Variants in IGFBP6 observed in about 807,000 individuals in gnomAD.
The protein encoded by IGFBP6 is insulin-like growth factor-binding protein 6.
Under a neutral mutation model 24.5 loss-of-function variants are expected in IGFBP6, and 24 were observed. The ratio of observed to expected loss-of-function variants is 0.98; its 90% CI spans 0.71 to 1.38. The LOEUF (loss-of-function observed/expected upper bound fraction) is 1.38, where lower values mean the gene tolerates loss of function less well. Among genes scored for constraint, IGFBP6 ranks in the 40% most tolerant of loss-of-function variants. The pLI is 0.00. For missense variants in IGFBP6, 331 were observed against 324.8 expected (o/e 1.02, Z -0.15); for synonymous variants, 147 against 137.4 (o/e 1.07, Z -0.49).
At chr12:53,099,241 T>C (rs944410432) in intron 1 of IGFBP6, 15 of 447,012 alleles carry the variant, frequency 3.4e-5, no homozygotes, top group Middle Eastern at 6.5e-4. Flanking sequence ...TTCCTGTCCC[T>C]GACTTATTTC....
At position 53,101,097 on chromosome 12, in the gene IGFBP6, C is replaced by T. The variant is rs746994788; in HGVS notation, c.537C>T (p.Tyr179=). The part of the protein sequence containing the change: ...SVLQQLQTEV[Y]RGAQTLYVPN... ...TGCAGCAACTCCAGACTGAGGTCTA[C>T]CGAGGGGCTCAAACACTCTACGTGC... Residue 179 remains tyrosine (Y), a synonymous_variant, in exon 3 of 4, where the codon TAC becomes TAT. Coordinates refer to ENST00000301464, the MANE Select transcript of IGFBP6 (RefSeq NM_002178.3). The T allele has an allele frequency of 6.8e-6, 11 of 1,614,084 alleles. No homozygotes were observed. The highest frequency in any genetic ancestry group is 9.3e-6 in the Non-Finnish European group (11 of 1,180,046).
Position 53,098,067 on chromosome 12 carries a change from G to A in IGFBP6, c.334+16G>A, listed in dbSNP as rs1937772300. ...GCGCCTGCTGGTGAGTCCGCGCCCC[G>A]CCCCTGCCCCGCCCACGTGAGACCC... On this transcript the variant is annotated intron_variant, in intron 1 of 3. Transcript: ENST00000301464. The A allele has an allele frequency of 2.1e-6, 3 of 1,410,684 alleles. No homozygotes were observed. The highest frequency in any genetic ancestry group is 2.7e-6 in the Non-Finnish European group (3 of 1,092,708). The allele number at this position is 1,410,684 out of a possible 1,614,324, so 87.4% of individuals were successfully genotyped here.
At position 53,097,813 on chromosome 12, in the gene IGFBP6, C is replaced by G. The variant is rs1407096568; in HGVS notation, c.96C>G (p.Cys32Trp). The G allele has an allele frequency of 6.5e-7, 1 of 1,541,378 alleles. No individual in the cohort carries two copies. Among genetic ancestry groups the G allele is most frequent in the South Asian group, 1.2e-5 (1 of 83,700 alleles). The change falls in exon 1 of 4, where the codon TGC (cysteine) becomes TGG (tryptophan). Residue 32 changes from cysteine (C) to tryptophan (W), a missense_variant. Coordinates refer to ENST00000301464, the MANE Select transcript of IGFBP6 (RefSeq NM_002178.3). Reference protein sequence around the residue: ...PGGALARCPGCGQGVQAGCPG... With the variant: ...PGGALARCPGWGQGVQAGCPG... ...GCGCCTTGGCGCGGTGCCCAGGCTG[C>G]GGGCAAGGGGTGCAGGCGGGTTGTC...
Position 53,098,043 on chromosome 12 carries a change from C to T in IGFBP6, c.326C>T (p.Ala109Val). 3.4e-6 allele frequency: 5 copies of T among 1,459,376 alleles called. No homozygotes were observed. The highest frequency in any genetic ancestry group is 4.5e-6 in the Non-Finnish European group (5 of 1,116,434). The allele number at this position is 1,459,376 out of a possible 1,614,324, so 90.4% of individuals were successfully genotyped here. The change falls in exon 1 of 4, where the codon GCG becomes GTG. Residue 109 changes from alanine to valine, a missense_variant. By Grantham distance (64) the Ala-to-Val change is moderately conservative. Coordinates refer to ENST00000301464, the MANE Select transcript of IGFBP6 (RefSeq NM_002178.3). Reference protein sequence around the residue: ...LGRGRCLPARAPAVAEENPKE... With the variant: ...LGRGRCLPARVPAVAEENPKE... ...CGAGGCCGCTGCCTTCCGGCCCGCGCGCCTGCTGGTGAGTCCGCGCCCCGC... is the reference window on the plus strand; with the variant it reads ...CGAGGCCGCTGCCTTCCGGCCCGCGTGCCTGCTGGTGAGTCCGCGCCCCGC...
chr12:53,098,715 T>C (rs9658605), intron 1 of IGFBP6, among the ~76,000 whole-genome samples: 21,244 of 151,988 alleles, frequency 0.14, 2,234 homozygotes, highest in African/African-American at 0.3. Context: ...CTCAGAATCG[T>C]TCACCCATCC....
chr12:53,100,449 A>G (rs947074606), intron 1 of IGFBP6, among the ~76,000 whole-genome samples: 3 of 152,266 alleles, frequency 2.0e-5, no homozygotes, highest in Non-Finnish European at 4.4e-5. Context: ...GGCGTGAGCC[A>G]TTGCACCCAT....
At chr12:53,098,198 G>T (rs1937774531) in intron 1 of IGFBP6, 147 bp downstream of exon 1, 3 of 1,005,856 alleles carry the variant, frequency 3.0e-6, no homozygotes, top group Middle Eastern at 6.7e-4. Flanking sequence ...TTGTGTGGGG[G>T]AGAAGGGGCA....
chr12:53,098,185 C>T, intron 1 of IGFBP6, 134 bp downstream of exon 1: 1 of 1,099,916 alleles, frequency 9.1e-7, no homozygotes, highest in East Asian at 3.2e-5. Flanking sequence ...TTGGGGGGCA[C>T]ATTTGTGTGG....
chr12:53,097,911 G>T lies in IGFBP6; in HGVS notation c.194G>T (p.Arg65Met). 1 of 1,516,590 alleles carries T rather than the reference G, an allele frequency of 6.6e-7. No homozygotes were observed. 93.9% of individuals were successfully genotyped at this position (1,516,590 alleles called of 1,614,324 possible). A position where few individuals can be genotyped will look rare whatever the true frequency, so the allele number is the denominator to read the frequency against. The change falls in exon 1 of 4, where the codon AGG (arginine) becomes ATG (methionine). Residue 65 changes from arginine (R) to methionine (M), a missense_variant. By Grantham distance (91) the Arg-to-Met change is moderately conservative. Coordinates refer to ENST00000301464, the MANE Select transcript of IGFBP6 (RefSeq NM_002178.3). ...EGCAEAEGCL[R>M]REGQECGVYT... ...TGCGCGGAAGCTGAGGGCTGTCTCA[G>T]GAGGGAGGGGCAGGAGTGCGGGGTC...
At chr12:53,100,057 A>G (rs1026268036) in intron 1 of IGFBP6, among the ~76,000 whole-genome samples, 1 of 152,066 alleles carries the variant, frequency 6.6e-6, no homozygotes, top group African/African-American at 2.4e-5. Flanking sequence ...ACGGGGTTTC[A>G]CCATGTTGGC....
At chr12:53,099,807 A>AT (rs1210408523) in intron 1 of IGFBP6, among the ~76,000 whole-genome samples, 2 of 151,294 alleles carry the variant, frequency 1.3e-5, no homozygotes, top group East Asian at 1.9e-4. Flanking sequence ...TAATTAATTA[A>AT]TTTTTTAAAA....
intron 1 of IGFBP6, 109 bp from the exon 2 acceptor site, chr12:53,100,603 C>T (rs1311554918): frequency 1.2e-5 from 12 of 980,306 alleles, no homozygotes; most frequent in Admixed American, 1.0e-4. Flanking sequence ...CATGCAACAG[C>T]GGGGCATAAG....
intron 3 of IGFBP6, among the ~76,000 whole-genome samples, chr12:53,101,834 G>C (rs1937832307): frequency 6.7e-6 from 1 of 149,296 alleles, no homozygotes; most frequent in South Asian, 2.1e-4. Flanking sequence ...GGGAGGTGGA[G>C]GTTGCAGTGA....
Position 53,101,166 on chromosome 12 carries a change from A to G in IGFBP6, c.600+6A>G, listed in dbSNP as rs745369133. ...GCTTCTACCGGAAGCGGCAGGTGAG[A>G]CTATTTTTCTTCTCCTCCTGCTCCA... On this transcript the variant is annotated splice_donor_region_variant and intron_variant, in intron 3 of 3. Transcript: ENST00000301464. 2 of 1,612,842 alleles carry G rather than the reference A, an allele frequency of 1.2e-6. No homozygotes were observed. The highest frequency in any genetic ancestry group is 1.3e-5 in the African/African-American group (1 of 75,020).
At position 53,097,839 on chromosome 12, in the gene IGFBP6, C is replaced by T. The variant is rs1937763704; in HGVS notation, c.122C>T (p.Pro41Leu). The T allele has an allele frequency of 6.5e-7, 1 of 1,532,438 alleles. No individual in the cohort carries two copies. The highest frequency in any genetic ancestry group is 8.8e-7 in the Non-Finnish European group (1 of 1,141,970). The allele number at this position is 1,532,438 out of a possible 1,614,324, so 94.9% of individuals were successfully genotyped here. A position where few individuals can be genotyped will look rare whatever the true frequency, so the allele number is the denominator to read the frequency against. ...GGGCAAGGGGTGCAGGCGGGTTGTC[C>T]AGGGGGCTGCGTGGAGGAGGAGGAT... ...GCGQGVQAGC[P>L]GGCVEEEDGG... is the part of the protein sequence containing the mutation. Residue 41 changes from proline to leucine, a missense_variant, in exon 1 of 4, where the codon CCA (proline) becomes CTA (leucine). Physicochemically the swap from Pro to Leu is moderately conservative, Grantham distance 98. Transcript: ENST00000301464.
At position 53,101,800 on chromosome 12, in the gene IGFBP6, G is replaced by A. The variant is rs1937831730; in HGVS notation, c.601-245G>A. ...TGTAATCCCAGCTACTCAGGAGGCT[G>A]AGGCAAGAGAATTGCTTGAACCTGG... On this transcript the variant is annotated intron_variant, in intron 3 of 3. Transcript: ENST00000301464. 2.7e-5 allele frequency among the ~76,000 whole-genome samples: 4 copies of A among 149,460 alleles called. No individual in the cohort carries two copies. The South Asian group carries it at 8.5e-4, about 32-fold the overall frequency.
intron 3 of IGFBP6, 83 bp downstream of exon 3, chr12:53,101,243 A>G: frequency 2.1e-6 from 3 of 1,397,794 alleles, no homozygotes; most frequent in Non-Finnish European, 3.0e-6. Flanking sequence ...AAAGCTGCAT[A>G]AATAAGACAC....
Position 53,101,125 on chromosome 12 carries a change from A to C in IGFBP6, c.565A>C (p.Asn189His). 1 of 1,614,174 alleles carries C rather than the reference A, an allele frequency of 6.2e-7. No homozygotes were observed. The highest frequency in any genetic ancestry group is 1.1e-5 in the South Asian group (1 of 91,086). ...AGGGGCTCAAACACTCTACGTGCCC[A>C]ATTGTGACCATCGAGGCTTCTACCG... is the stretch of plus-strand genomic sequence containing the variant. ...YRGAQTLYVP[N>H]CDHRGFYRKR... Residue 189 changes from asparagine to histidine, a missense_variant, in exon 3 of 4, where the codon AAT becomes CAT. Asn to His is a moderately conservative substitution (Grantham distance 68). Coordinates refer to ENST00000301464, the MANE Select transcript of IGFBP6 (RefSeq NM_002178.3).
In IGFBP6 at chr12:53,102,064, A is replaced by T. The variant is rs1937840288; in HGVS notation, c.620A>T (p.Gln207Leu). 1.2e-6 allele frequency: 2 copies of T among 1,613,840 alleles called. No individual in the cohort carries two copies. The highest frequency in any genetic ancestry group is 1.7e-6 in the Non-Finnish European group (2 of 1,179,998). Reference protein sequence around the residue: ...RKRQCRSSQGQRRGPCWCVDR... With the variant: ...RKRQCRSSQGLRRGPCWCVDR... Reference sequence around the variant, plus strand: ...CTCCAGTGCCGCTCCTCCCAGGGGCAGCGCCGAGGTCCCTGCTGGTGTGTG... The same window carrying T: ...CTCCAGTGCCGCTCCTCCCAGGGGCTGCGCCGAGGTCCCTGCTGGTGTGTG... Residue 207 changes from glutamine (Q) to leucine (L), a missense_variant, in exon 4 of 4, where the codon CAG becomes CTG. Transcript: ENST00000301464.
Sources: gnomAD v4.1 joint callset for allele counts (sites outside exome capture counted in the v4.1 genomes callset) on GRCh38, gnomAD v4.1.1 for gene constraint, MANE v1.5 for transcripts, NCBI Gene and HGNC (gene_info 2026-07-23, HGNC 2026-07-21) for gene names.